Variants in MYO9B observed in about 807,000 individuals in gnomAD.
MYO9B encodes myosin IXB, also known as unconventional myosin-IXb.
In MYO9B, 71 loss-of-function variants were observed where a neutral mutation model predicts 229.5. That is an observed-to-expected ratio of 0.31 (90% CI 0.26 to 0.38). The LOEUF (loss-of-function observed/expected upper bound fraction) is 0.38, where lower values mean the gene tolerates loss of function less well. MYO9B is among the 10% of genes least tolerant of loss of function. The pLI, the probability that MYO9B is intolerant of heterozygous loss-of-function variation, is 1.00. For synonymous variants in MYO9B, 1,185 were observed against 1,235.8 expected (o/e 0.96, Z 0.86); for missense variants, 2,255 against 2,920.5 (o/e 0.77, Z 5.25).
intron 1 of MYO9B, among the ~76,000 whole-genome samples, chr19:17,082,130 C>G (rs1248851456): frequency 6.6e-6 from 1 of 152,188 alleles, no homozygotes; most frequent in Non-Finnish European, 1.5e-5. Flanking sequence ...GAAGTATTGG[C>G]TGGGAGCCAG....
chr19:17,209,857 C>A, intron 36 of MYO9B, 148 bp downstream of exon 36: 2 of 1,100,522 alleles, frequency 1.8e-6, no homozygotes, highest in Non-Finnish European at 2.5e-6. Context: ...CCTCCCATGC[C>A]GAGGATGGGA....
At chr19:17,211,612 G>A (rs1186670134) in intron 38 of MYO9B, 35 bp from the exon 39 acceptor site, 2 of 1,552,580 alleles carry the variant, frequency 1.3e-6, no homozygotes, top group East Asian at 2.3e-5. Context: ...CTTCCGGTGG[G>A]GTGGCCTTGG....
chr19:17,127,746 C>G (rs1347694926), intron 2 of MYO9B, among the ~76,000 whole-genome samples: 1 of 152,224 alleles, frequency 6.6e-6, no homozygotes, highest in Non-Finnish European at 1.5e-5. Flanking sequence ...AGGGTGTCCT[C>G]CATGTGGCCA....
At chr19:17,124,163 A>G (rs1280873540) in intron 2 of MYO9B, among the ~76,000 whole-genome samples, 1 of 152,104 alleles carries the variant, frequency 6.6e-6, no homozygotes, top group East Asian at 1.9e-4. Context: ...TGCTAGGATT[A>G]CTGGTGTGAG....
chr19:17,165,630 A>G (rs1052955019), intron 10 of MYO9B, among the ~76,000 whole-genome samples: 2 of 152,106 alleles, frequency 1.3e-5, no homozygotes, highest in Admixed American at 6.6e-5. Flanking sequence ...TTTATTAACC[A>G]GGCATATAGT....
At chr19:17,076,947 C>A (rs2123407275) in intron 1 of MYO9B, among the ~76,000 whole-genome samples, 1 of 152,286 alleles carries the variant, frequency 6.6e-6, no homozygotes, top group South Asian at 2.1e-4. Flanking sequence ...ACGAGCCCTC[C>A]TTTCTTTCCT....
intron 39 of MYO9B, 36 bp downstream of exon 39, chr19:17,211,810 C>T (rs748523313): frequency 5.0e-6 from 8 of 1,612,090 alleles, no homozygotes; most frequent in African/African-American, 1.3e-5. Context: ...TTCTCCTTCC[C>T]GTCCATCCCA....
chr19:17,094,015 TTTGTTGTTGTTGTTGTTG>T (rs141113380), intron 1 of MYO9B, among the ~76,000 whole-genome samples: 3 of 148,510 alleles, frequency 2.0e-5, no homozygotes, highest in African/African-American at 5.0e-5. Context: ...TGCAGCTGGC[TTTGTTGTTGTTGTTGTTG>T]TTGTTGTTGT....
rs1472875721 is a variant in MYO9B, at chr19:17,212,228, G to A, written c.6392G>A (p.Gly2131Asp). The change falls in exon 40 of 40, where the codon GGC becomes GAC. Residue 2131 changes from glycine (G) to aspartate (D), a missense_variant. Coordinates refer to ENST00000682292, the MANE Select transcript of MYO9B (RefSeq NM_004145.4). The surrounding 1 kb of genome is among the most constrained non-coding windows in gnomAD (Gnocchi z 5.4). ...QGALEPLEED[G>D]QPPGAKRRYS... is the part of the protein sequence containing the mutation. Reference sequence around the variant, plus strand: ...GCCCTGGAGCCCCTAGAAGAGGATGGCCAGCCACCTGGGGCCAAGCGGAGG... The same window carrying A: ...GCCCTGGAGCCCCTAGAAGAGGATGACCAGCCACCTGGGGCCAAGCGGAGG... The A allele has an allele frequency of 6.3e-7, 1 of 1,582,016 alleles. No individual in the cohort carries two copies. Among genetic ancestry groups the A allele is most frequent in the Admixed American group, 1.8e-5 (1 of 54,784 alleles).
chr19:17,098,242 A>G (rs1288759884), intron 1 of MYO9B, among the ~76,000 whole-genome samples: 2 of 152,166 alleles, frequency 1.3e-5, no homozygotes, highest in African/African-American at 2.4e-5. Flanking sequence ...TTTAGTACAG[A>G]CAGGGTTTCA....
Position 17,202,316 on chromosome 19 carries a change from GCATGCCACGCCCACCTGTGA to G in MYO9B, c.4836+25_4836+44del. ...CGAGCCAGTGAAGGTGGGCAGCCCA[GCATGCCACGCCCACCTGTGA>G]CATGCCACGCCTACCCATGCCTCGC... On this transcript the variant is annotated intron_variant, in intron 28 of 39. Coordinates refer to ENST00000682292, the MANE Select transcript of MYO9B (RefSeq NM_004145.4). 3.9e-6 allele frequency: 6 copies of G among 1,551,266 alleles called. No individual in the cohort carries two copies. Among genetic ancestry groups the G allele is most frequent in the Non-Finnish European group, 5.2e-6 (6 of 1,147,132 alleles).
chr19:17,094,190 C>T (rs2057667117), intron 1 of MYO9B, among the ~76,000 whole-genome samples: 1 of 152,150 alleles, frequency 6.6e-6, no homozygotes, highest in Admixed American at 6.5e-5. Context: ...CATGCGCCAC[C>T]ATGCCTGGCT....
intron 1 of MYO9B, among the ~76,000 whole-genome samples, chr19:17,085,403 G>A (rs983545549): frequency 1.3e-5 from 2 of 152,108 alleles, no homozygotes; most frequent in South Asian, 4.1e-4. Context: ...GGGCAGATGG[G>A]GGGCCAGGTA....
intron 2 of MYO9B, among the ~76,000 whole-genome samples, chr19:17,110,113 C>G (rs1373922575): frequency 6.6e-6 from 1 of 152,148 alleles, no homozygotes; most frequent in Non-Finnish European, 1.5e-5. Flanking sequence ...GGGATTTTTT[C>G]TCAGCTCCCC....
intron 6 of MYO9B, among the ~76,000 whole-genome samples, chr19:17,155,962 G>A (rs1035220358): frequency 3.3e-5 from 5 of 151,708 alleles, no homozygotes; most frequent in South Asian, 2.1e-4. Flanking sequence ...AGAGGCTGCC[G>A]TGAGCCGAGA....
Position 17,195,481 on chromosome 19 carries a change from C to G in MYO9B, c.4046+8C>G, listed in dbSNP as rs2073033042. 2 of 1,584,786 alleles carry G rather than the reference C, an allele frequency of 1.3e-6. No homozygotes were observed. Among genetic ancestry groups the G allele is most frequent in the Non-Finnish European group, 1.7e-6 (2 of 1,172,264 alleles). ...CGCCCTCACGCCCACAGAGTAAGCC[C>G]CACACCCTCTTTTGTCTGAGCACCA... On this transcript the variant is annotated splice_region_variant and intron_variant, in intron 22 of 39. Coordinates refer to ENST00000682292, the MANE Select transcript of MYO9B (RefSeq NM_004145.4). This position sits in a 1 kb window ranked among gnomAD's most constrained non-coding sequence, Gnocchi z 4.5.
chr19:17,113,107 T>A (rs73519675), intron 2 of MYO9B, among the ~76,000 whole-genome samples: 1,949 of 152,224 alleles, frequency 0.013, 48 homozygotes, highest in African/African-American at 0.045. Context: ...TGTCAAAGGG[T>A]CCAGGAGCCC....
At chr19:17,196,419 G>A (rs2073044133) in intron 22 of MYO9B, among the ~76,000 whole-genome samples, 2 of 152,084 alleles carry the variant, frequency 1.3e-5, no homozygotes, top group African/African-American at 4.8e-5. Context: ...AATTAGGCTG[G>A]GCGCGATGGC....
chr19:17,148,833 C>G (rs2072445228), intron 3 of MYO9B, among the ~76,000 whole-genome samples: 1 of 152,140 alleles, frequency 6.6e-6, no homozygotes, highest in African/African-American at 2.4e-5. Context: ...ATCCGCCTGC[C>G]TCGGCCTCCC....
Sources: gnomAD v4.1 joint callset for allele counts (sites outside exome capture counted in the v4.1 genomes callset) on GRCh38, gnomAD v4.1.1 for gene constraint, Gnocchi (gnomAD v3.1) non-coding constraint, MANE v1.5 for transcripts, NCBI Gene and HGNC (gene_info 2026-07-23, HGNC 2026-07-21) for gene names.